MRPL1: variants seen among roughly 807,000 people sequenced by gnomAD.
MRPL1 encodes large ribosomal subunit protein uL1m.
A neutral mutation model predicts 38.0 loss-of-function variants in MRPL1; 28 were observed. That is an observed-to-expected ratio of 0.74 (90% CI 0.55 to 1.01). The LOEUF (loss-of-function observed/expected upper bound fraction) is 1.01, where lower values mean the gene tolerates loss of function less well. Among genes scored for constraint, MRPL1 ranks in the 50% least tolerant of loss-of-function variants. MRPL1 has a pLI of 0.00. For missense variants in MRPL1, 358 were observed against 389.8 expected, an observed-to-expected ratio of 0.92 and a Z score of 0.69; for synonymous variants, 123 against 126.7, an observed-to-expected ratio of 0.97 and a Z score of 0.20.
intron 7 of MRPL1, among the ~76,000 whole-genome samples, chr4:77,918,542 T>C (rs959319599): frequency 1.3e-5 from 2 of 152,174 alleles, no homozygotes; most frequent in African/African-American, 4.8e-5. Flanking sequence ...GAGCTATTGC[T>C]CTCATCACTT....
At chr4:77,874,224 G>A (rs1184845642) in intron 2 of MRPL1, among the ~76,000 whole-genome samples, 1 of 152,120 alleles carries the variant, frequency 6.6e-6, no homozygotes, top group African/African-American at 2.4e-5. Flanking sequence ...CTGACCTTGT[G>A]ATCTGCCCGC....
At chr4:77,941,790 G>T in intron 7 of MRPL1, among the ~76,000 whole-genome samples, 1 of 151,766 alleles carries the variant, frequency 6.6e-6, no homozygotes, top group South Asian at 2.1e-4. Flanking sequence ...ATCATCTATC[G>T]ATTTTATTTA....
intron 2 of MRPL1, among the ~76,000 whole-genome samples, chr4:77,877,035 G>T (rs897525081): frequency 6.6e-6 from 1 of 152,128 alleles, no homozygotes; most frequent in African/African-American, 2.4e-5. Flanking sequence ...TGAGTAACAG[G>T]GATTACAGGC....
chr4:77,870,481 A>G (rs1326059248), intron 1 of MRPL1, among the ~76,000 whole-genome samples: 1 of 152,254 alleles, frequency 6.6e-6, no homozygotes, highest in Non-Finnish European at 1.5e-5. Context: ...ATGCATGTAC[A>G]CACACCTTTA....
intron 2 of MRPL1, among the ~76,000 whole-genome samples, chr4:77,878,645 C>T (rs1354157621): frequency 2.0e-5 from 3 of 151,894 alleles, no homozygotes; most frequent in African/African-American, 7.3e-5. Context: ...TTTGGGAGGC[C>T]GAGGCGGGCA....
At chr4:77,943,351 T>C (rs1443982879) in intron 7 of MRPL1, among the ~76,000 whole-genome samples, 2 of 152,146 alleles carry the variant, frequency 1.3e-5, no homozygotes, top group East Asian at 1.9e-4. Flanking sequence ...GATGACTACG[T>C]GTCTAGGCAA....
chr4:77,921,541 G>A (rs955915599), intron 7 of MRPL1, among the ~76,000 whole-genome samples: 3 of 152,106 alleles, frequency 2.0e-5, no homozygotes, highest in African/African-American at 7.2e-5. Flanking sequence ...AGGGGATTGA[G>A]CTTTTATAGG....
intron 8 of MRPL1, among the ~76,000 whole-genome samples, chr4:77,951,042 G>T (rs1279488310): frequency 1.3e-5 from 2 of 152,110 alleles, no homozygotes; most frequent in South Asian, 4.1e-4. Flanking sequence ...GCTAATTTTT[G>T]TATTTTTAGT....
intron 1 of MRPL1, among the ~76,000 whole-genome samples, chr4:77,867,530 C>A (rs1198358915): frequency 6.7e-6 from 1 of 149,972 alleles, no homozygotes; most frequent in Non-Finnish European, 1.5e-5. Context: ...TTGGATAATT[C>A]TTTTCTTTTT....
In MRPL1 at chr4:77,950,705, A is replaced by G. The variant is rs76013145; in HGVS notation, c.859+827A>G. 1.2e-3 allele frequency among the ~76,000 whole-genome samples: 187 copies of G among 152,344 alleles called. 1 individual carries two copies. The East Asian group carries it at 0.031, about 25-fold the overall frequency. On this transcript the variant is annotated intron_variant, in intron 8 of 8. Transcript: ENST00000315567. ...CATACTACTAAGTAATTGGATGTGT[A>G]TGGATTCTTAGAGTCCACAGATAAC...
At chr4:77,933,555 C>CG (rs2110260814) in intron 7 of MRPL1, among the ~76,000 whole-genome samples, 1 of 152,106 alleles carries the variant, frequency 6.6e-6, no homozygotes, top group East Asian at 1.9e-4. Context: ...TCAGGGAACT[C>CG]TAAGATCATA....
intron 7 of MRPL1, among the ~76,000 whole-genome samples, chr4:77,943,650 G>T: frequency 6.6e-6 from 1 of 152,066 alleles, no homozygotes; most frequent in African/African-American, 2.4e-5. Flanking sequence ...TATTCTGCTT[G>T]TTCGATTCTA....
intron 7 of MRPL1, among the ~76,000 whole-genome samples, chr4:77,945,600 C>T (rs533899636): frequency 1.3e-4 from 19 of 151,862 alleles, no homozygotes; most frequent in African/African-American, 3.9e-4. Context: ...AATATTTCAT[C>T]GTAAGTTCTT....
chr4:77,907,069 A>G (rs1383052261), intron 6 of MRPL1: 1 of 985,276 alleles, frequency 1.0e-6, no homozygotes. Context: ...TCTCTATGTA[A>G]TGAGTTCCTC....
chr4:77,874,477 G>T (rs1238206178), intron 2 of MRPL1, among the ~76,000 whole-genome samples: 1 of 152,098 alleles, frequency 6.6e-6, no homozygotes, highest in Non-Finnish European at 1.5e-5. Context: ...CATGCATATA[G>T]ATCCTGTCAA....
In MRPL1 at chr4:77,952,740, ACAGTC is replaced by A. The variant is rs1487424402; in HGVS notation, c.*134_*138del. ...GTGAACTTTAACATTGAAAAATCGT[ACAGTC>A]ATTTCAAGAATAAGAAAATAAAATT... On this transcript the variant is annotated 3_prime_UTR_variant, in exon 9 of 9. Transcript: ENST00000315567. 3 of 617,136 alleles carry A rather than the reference ACAGTC, an allele frequency of 4.9e-6. No individual in the cohort carries two copies. The highest frequency in any genetic ancestry group is 3.3e-5 in the Admixed American group (1 of 30,274). The allele number at this position is 617,136 out of a possible 1,614,324, so 38.2% of individuals were successfully genotyped here. A position where few individuals can be genotyped will look rare whatever the true frequency, so the allele number is the denominator to read the frequency against.
At chr4:77,871,207 T>C (rs556040503) in intron 1 of MRPL1, among the ~76,000 whole-genome samples, 2 of 151,570 alleles carry the variant, frequency 1.3e-5, no homozygotes, top group East Asian at 3.9e-4. Context: ...GGTGACAGAG[T>C]GAAAGCCTGT....
chr4:77,914,555 AC>A (rs1342714032), intron 7 of MRPL1, among the ~76,000 whole-genome samples: 1 of 152,218 alleles, frequency 6.6e-6, no homozygotes, highest in Non-Finnish European at 1.5e-5. Context: ...AAAAAACTGT[AC>A]CATTGTATTA....
intron 7 of MRPL1, among the ~76,000 whole-genome samples, chr4:77,927,948 G>A (rs1213488533): frequency 6.6e-6 from 1 of 152,164 alleles, no homozygotes; most frequent in East Asian, 1.9e-4. Context: ...GATTTAACAA[G>A]TATTTCTTGT....
Sources: gnomAD v4.1 joint callset for allele counts (sites outside exome capture counted in the v4.1 genomes callset) on GRCh38, gnomAD v4.1.1 for gene constraint, MANE v1.5 for transcripts, NCBI Gene and HGNC (gene_info 2026-07-23, HGNC 2026-07-21) for gene names.